CRYBA4: variants seen among roughly 807,000 people sequenced by gnomAD.
The protein encoded by CRYBA4 is crystallin beta A4.
A neutral mutation model predicts 31.7 loss-of-function variants in CRYBA4; 30 were observed. That is an observed-to-expected ratio of 0.95 (90% CI 0.71 to 1.28). CRYBA4 has a LOEUF of 1.28. Among genes scored for constraint, CRYBA4 ranks in the 50% most tolerant of loss-of-function variants. The pLI is 0.00. For synonymous variants in CRYBA4, 102 were observed against 102.3 expected (o/e 1.00, Z 0.02); for missense variants, 225 against 260.7 (o/e 0.86, Z 0.94).
chr22:26,623,890 C>T (rs995588446), intron 3 of CRYBA4, among the ~76,000 whole-genome samples: 3 of 152,040 alleles, frequency 2.0e-5, no homozygotes, highest in African/African-American at 7.3e-5. Context: ...TTCAGTGGAC[C>T]TGTCTGCAAT....
chr22:26,594,839 G>A, the CRYBA4 span, among the ~76,000 whole-genome samples: 3 of 152,224 alleles, frequency 2.0e-5, no homozygotes, highest in Non-Finnish European at 4.4e-5. Flanking sequence ...ACTGGTTTCC[G>A]TCAATATTAA....
At chr22:26,628,061 A>G (rs1186021725) in intron 4 of CRYBA4, among the ~76,000 whole-genome samples, 3 of 152,158 alleles carry the variant, frequency 2.0e-5, no homozygotes, top group Non-Finnish European at 4.4e-5. Flanking sequence ...AAAAACTGTT[A>G]TGATGAACAT....
At chr22:26,612,102 C>T in the CRYBA4 span, 19 of 1,613,372 alleles carry the variant, frequency 1.2e-5, no homozygotes, top group Admixed American at 3.3e-5. Context: ...GCTGCGCACA[C>T]GGTCGAAGCC....
the CRYBA4 span, among the ~76,000 whole-genome samples, chr22:26,604,439 C>A: frequency 2.0e-5 from 3 of 152,184 alleles, no homozygotes; most frequent in African/African-American, 7.2e-5. Context: ...GAGCCCAGAA[C>A]GTAAGTGCAT....
Position 26,623,347 on chromosome 22 carries a change from T to C in CRYBA4, c.153T>C (p.Ser51=), listed in dbSNP as rs760431052. The change falls in exon 3 of 6, where the codon AGT becomes AGC. Residue 51 remains serine (S), a synonymous_variant. Transcript: ENST00000354760. ...CTGTGCGATCTTTGAAAGTGCTGAG[T>C]GGAGCGTGAGTCTAGGGGGACACTG... ...FETVRSLKVL[S]GAWVGFEHAG... The C allele has an allele frequency of 6.2e-7, 1 of 1,612,710 alleles. No homozygotes were observed. Among genetic ancestry groups the C allele is most frequent in the Non-Finnish European group, 8.5e-7 (1 of 1,178,974 alleles).
At chr22:26,599,560 C>T in the CRYBA4 span, 58 of 1,614,156 alleles carry the variant, frequency 3.6e-5, no homozygotes, top group East Asian at 1.3e-4. Flanking sequence ...ACGCAGGCGA[C>T]GCAGGGACTG....
chr22:26,603,178 C>G, the CRYBA4 span, among the ~76,000 whole-genome samples: 1 of 151,226 alleles, frequency 6.6e-6, no homozygotes, highest in Non-Finnish European at 1.5e-5. Flanking sequence ...CATTTATGCA[C>G]TGGTGATCTT....
the CRYBA4 span, among the ~76,000 whole-genome samples, chr22:26,611,466 T>G: frequency 0.015 from 2,091 of 136,432 alleles, 61 homozygotes; most frequent in African/African-American, 0.049. Flanking sequence ...TTTTTTTTTT[T>G]TTGTTTTTTT....
At chr22:26,627,717 C>T (rs5752356) in intron 4 of CRYBA4, among the ~76,000 whole-genome samples, 31,773 of 150,354 alleles carry the variant, frequency 0.21, 4,011 homozygotes, top group East Asian at 0.38. Flanking sequence ...GCCACAATCT[C>T]GGCTCACTGC....
At chr22:26,627,400 CTTTCTTTCTTTCTTTCT>C (rs1929754908) in intron 4 of CRYBA4, among the ~76,000 whole-genome samples, 1 of 78,562 alleles carries the variant, frequency 1.3e-5, no homozygotes, top group African/African-American at 8.0e-5. Context: ...TTCTTTCTTT[CTTTCTTTCTTTCTTTCT>C]TTCTTTCTTT....
At chr22:26,613,572 C>T in the CRYBA4 span, among the ~76,000 whole-genome samples, 1 of 152,236 alleles carries the variant, frequency 6.6e-6, no homozygotes, top group Non-Finnish European at 1.5e-5. Flanking sequence ...GGACACTTAT[C>T]ACTTCCCCAA....
the CRYBA4 span, among the ~76,000 whole-genome samples, chr22:26,592,668 G>T: frequency 2.0e-5 from 3 of 152,200 alleles, no homozygotes; most frequent in Non-Finnish European, 4.4e-5. Flanking sequence ...GGAAGGAGTC[G>T]GGGCTTTTCT....
At chr22:26,601,749 G>T in the CRYBA4 span, 1 of 1,457,636 alleles carries the variant, frequency 6.9e-7, no homozygotes, top group Non-Finnish European at 9.3e-7. Flanking sequence ...CCAGGAACCA[G>T]CACTGGGAGA....
chr22:26,622,455 A>G (rs938896562), intron 1 of CRYBA4, 130 bp from the exon 2 acceptor site: 16 of 769,702 alleles, frequency 2.1e-5, no homozygotes, highest in Non-Finnish European at 3.8e-5. Context: ...GGCCAAAGCC[A>G]TGCATTGCCC....
chr22:26,601,157 A>G, the CRYBA4 span, among the ~76,000 whole-genome samples: 1 of 152,326 alleles, frequency 6.6e-6, no homozygotes, highest in Admixed American at 6.5e-5. Flanking sequence ...GCTCAGAACA[A>G]GTCTGGGAAT....
intron 5 of CRYBA4, 96 bp from the exon 6 acceptor site, chr22:26,630,244 T>G: frequency 6.6e-7 from 1 of 1,515,160 alleles, no homozygotes. Context: ...CCAGGATGGC[T>G]GGAATTGTGT....
chr22:26,621,105 A>C (rs556314945), upstream of CRYBA4, among the ~76,000 whole-genome samples: 1 of 152,166 alleles, frequency 6.6e-6, no homozygotes, highest in African/African-American at 2.4e-5. Flanking sequence ...TCATACGCCA[A>C]TTCAGAGGGC....
At chr22:26,598,163 G>A in the CRYBA4 span, among the ~76,000 whole-genome samples, 562 of 152,258 alleles carry the variant, frequency 3.7e-3, 6 homozygotes, top group Admixed American at 0.02. Flanking sequence ...GATTACAGGC[G>A]TGAGCCACCG....
At chr22:26,619,055 G>C (rs1446844309), upstream of CRYBA4, among the ~76,000 whole-genome samples, 2 of 152,202 alleles carry the variant, frequency 1.3e-5, no homozygotes, top group Admixed American at 6.5e-5. Context: ...ACCTAGCTGG[G>C]CCTGGCTAGG....
Sources: allele counts gnomAD v4.1 joint callset (sites outside exome capture counted in the v4.1 genomes callset), GRCh38; gene constraint gnomAD v4.1.1; transcripts MANE v1.5; gene names NCBI Gene and HGNC (gene_info 2026-07-23, HGNC 2026-07-21).